Variants in ARHGAP6 observed in about 807,000 individuals in gnomAD.
ARHGAP6 encodes the protein rho GTPase-activating protein 6.
In ARHGAP6, 16 loss-of-function variants were observed where a neutral mutation model predicts 55.7. That is an observed-to-expected ratio of 0.29 (90% confidence interval 0.19 to 0.44). The LOEUF (loss-of-function observed/expected upper bound fraction) is 0.44, where lower values mean the gene tolerates loss of function less well. Among genes scored for constraint, ARHGAP6 ranks in the 20% least tolerant of loss-of-function variants. The pLI, the probability that ARHGAP6 is intolerant of heterozygous loss-of-function variation, is 1.00. For synonymous variants in ARHGAP6, 382 were observed against 360.9 expected, an observed-to-expected ratio of 1.06 and a Z score of -0.66; for missense variants, 698 against 808.9, an observed-to-expected ratio of 0.86 and a Z score of 1.66.
intron 10 of ARHGAP6, among the ~76,000 whole-genome samples, chrX:11,152,030 T>C (rs1355281952): frequency 1.8e-5 from 2 of 112,088 alleles, no homozygotes; most frequent in Non-Finnish European, 3.8e-5. Flanking sequence ...TGGTAAGTAG[T>C]TGTAAATGAG....
chrX:11,354,323 CTCTCTATATA>C (rs1253986776), intron 1 of ARHGAP6, among the ~76,000 whole-genome samples: 21 of 57,105 alleles, frequency 3.7e-4, no homozygotes, highest in Admixed American at 8.7e-4. Flanking sequence ...CTCTCTCTCT[CTCTCTATATA>C]TATATATATA....
At chrX:11,384,142 T>C (rs1348538259) in intron 1 of ARHGAP6, among the ~76,000 whole-genome samples, 1 of 111,872 alleles carries the variant, frequency 8.9e-6, no homozygotes, top group African/African-American at 3.3e-5. Context: ...AGATCATGGA[T>C]CCAAGATCTA....
Position 11,200,704 on chromosome X carries a change from A to G in ARHGAP6, c.749-3708T>C, listed in dbSNP as rs773333475. Among the ~76,000 whole-genome samples, 4 of 112,492 alleles carry G rather than the reference A, an allele frequency of 3.6e-5. No homozygotes were observed. The South Asian group carries it at 1.5e-3, about 41-fold the overall frequency. On this transcript the variant is annotated intron_variant, in intron 2 of 12. Transcript: ENST00000337414. ...TCTCCTTCCAAGTGAATAGCCCAGC[A>G]TGGGGCATGCCCTGAGGACTTGTCA...
chrX:11,427,423 G>T, intron 1 of ARHGAP6: 3 of 829,071 alleles, frequency 3.6e-6, no homozygotes, highest in Non-Finnish European at 4.5e-6. Context: ...TGACGTACCC[G>T]GCCACCCGCC....
intron 1 of ARHGAP6, among the ~76,000 whole-genome samples, chrX:11,538,847 TG>T (rs199946725): frequency 0.025 from 2,329 of 92,458 alleles, 30 homozygotes; most frequent in Middle Eastern, 0.051. Context: ...TGTGTGTGTG[TG>T]GTTTTTTTTT....
chrX:11,353,975 T>C (rs758650241), intron 1 of ARHGAP6, among the ~76,000 whole-genome samples: 2 of 110,960 alleles, frequency 1.8e-5, no homozygotes, highest in African/African-American at 3.3e-5. Context: ...AAATTGATTA[T>C]CTCCAAGCTA....
At chrX:11,509,244 C>A (rs893009319) in intron 1 of ARHGAP6, among the ~76,000 whole-genome samples, 1 of 111,957 alleles carries the variant, frequency 8.9e-6, no homozygotes, top group Non-Finnish European at 1.9e-5. Flanking sequence ...AGCATCTCCA[C>A]AACTAATATT....
intron 1 of ARHGAP6, among the ~76,000 whole-genome samples, chrX:11,453,630 C>T (rs996661134): frequency 1.8e-5 from 2 of 110,964 alleles, no homozygotes; most frequent in African/African-American, 6.6e-5. Flanking sequence ...CAATAGTATT[C>T]TCTTGACTCT....
Position 11,665,105 on chromosome X carries a change from G to C in ARHGAP6, c.-277C>G. Reference sequence around the variant, plus strand: ...AACCTTCCTCCGGAGCCCAAGACGCGAAGAGGGTCAGGAAGAGGAGGAGGA... The same window carrying C: ...AACCTTCCTCCGGAGCCCAAGACGCCAAGAGGGTCAGGAAGAGGAGGAGGA... On this transcript the variant is annotated 5_prime_UTR_variant, in exon 1 of 13. Transcript: ENST00000337414. 3.4e-6 allele frequency: 1 copy of C among 292,100 alleles called. No individual in the cohort carries two copies. The allele number at this position is 292,100 out of a possible 1,213,427, so 24.1% of individuals were successfully genotyped here.
intron 1 of ARHGAP6, among the ~76,000 whole-genome samples, chrX:11,345,868 A>G (rs1284599879): frequency 1.8e-5 from 2 of 111,978 alleles, no homozygotes; most frequent in Non-Finnish European, 3.8e-5. Context: ...ATGAGTTGCA[A>G]AAGTGTGTAA....
chrX:11,583,242 G>C (rs750185229), intron 1 of ARHGAP6, among the ~76,000 whole-genome samples: 3 of 112,314 alleles, frequency 2.7e-5, no homozygotes, highest in Non-Finnish European at 5.6e-5. Flanking sequence ...AAATTACTGG[G>C]CAAACATTAA....
rs149458155 is a variant in ARHGAP6 at position 11,598,654 on chromosome X, A to G, written c.588+65587T>C. Among the ~76,000 whole-genome samples, 1,017 of 112,805 alleles carry G rather than the reference A, an allele frequency of 9.0e-3. 8 individuals carry two copies. The highest frequency in any genetic ancestry group is 0.032 in the African/African-American group (979 of 31,070). ...ACTTAGAATTATGGCCTCCAGCTCC[A>G]TCCATGTTGCTGCAAAGGACGTGAC... On this transcript the variant is annotated intron_variant, in intron 1 of 12. Transcript: ENST00000337414.
At chrX:11,516,832 T>G (rs2050846477) in intron 1 of ARHGAP6, among the ~76,000 whole-genome samples, 1 of 111,858 alleles carries the variant, frequency 8.9e-6, no homozygotes, top group East Asian at 2.8e-4. Context: ...AACCCTGTCT[T>G]CTCCTTCTAG....
intron 1 of ARHGAP6, among the ~76,000 whole-genome samples, chrX:11,615,221 A>T (rs1312178078): frequency 9.0e-6 from 1 of 111,130 alleles, no homozygotes; most frequent in Non-Finnish European, 1.9e-5. Context: ...CCTTTCTCTG[A>T]CCTTCCTGTA....
At chrX:11,515,213 T>C (rs1284390792) in intron 1 of ARHGAP6, among the ~76,000 whole-genome samples, 1 of 112,252 alleles carries the variant, frequency 8.9e-6, no homozygotes, top group Non-Finnish European at 1.9e-5. Flanking sequence ...TCTAGTATAA[T>C]TTCCTTAAAA....
chrX:11,516,687 T>C (rs1449574986), intron 1 of ARHGAP6, among the ~76,000 whole-genome samples: 1 of 112,502 alleles, frequency 8.9e-6, no homozygotes. Flanking sequence ...GGGAGTTTAA[T>C]GTTTCAGTTT....
chrX:11,548,230 C>T (rs1356027537), intron 1 of ARHGAP6, among the ~76,000 whole-genome samples: 1 of 112,185 alleles, frequency 8.9e-6, no homozygotes, highest in African/African-American at 3.2e-5. Context: ...TAGCATATCT[C>T]CTGCCTCAAA....
At position 11,409,477 on chromosome X, in the gene ARHGAP6, C is replaced by G. The variant is rs191389440; in HGVS notation, c.589-154770G>C. ...CTGGAAAATGGTTGAAGTGGATGAC[C>G]CCCTGCCACTTCCTCCAAGGTGACA... On this transcript the variant is annotated intron_variant, in intron 1 of 12. Transcript: ENST00000337414. Among the ~76,000 whole-genome samples, 612 of 111,599 alleles carry G rather than the reference C, an allele frequency of 5.5e-3. 2 individuals are homozygous for G. The highest frequency in any genetic ancestry group is 0.014 in the Middle Eastern group (3 of 217).
intron 1 of ARHGAP6, among the ~76,000 whole-genome samples, chrX:11,394,354 G>T (rs2049450483): frequency 9.0e-6 from 1 of 111,485 alleles, no homozygotes; most frequent in Non-Finnish European, 1.9e-5. Flanking sequence ...ATAGAAAGTA[G>T]ATTAGTGGGT....
Sources: allele counts gnomAD v4.1 joint callset (sites outside exome capture counted in the v4.1 genomes callset), GRCh38; gene constraint gnomAD v4.1.1; transcripts MANE v1.5; gene names NCBI Gene and HGNC (gene_info 2026-07-23, HGNC 2026-07-21).